CEP112: variants seen among roughly 807,000 people sequenced by gnomAD.
CEP112 encodes centrosomal protein of 112 kDa.
A neutral mutation model predicts 153.0 loss-of-function variants in CEP112; 127 were observed. The ratio of observed to expected loss-of-function variants is 0.83; its 90% CI spans 0.72 to 0.96. The LOEUF is 0.96. Among genes scored for constraint, CEP112 ranks in the 40% least tolerant of loss-of-function variants. The pLI is 0.00. For synonymous variants in CEP112, 358 were observed against 374.4 expected (o/e 0.96, Z 0.51); for missense variants, 1,089 against 1,101.2 (o/e 0.99, Z 0.16).
At chr17:65,915,862 C>G (rs2060461208) in intron 19 of CEP112, among the ~76,000 whole-genome samples, 2 of 151,186 alleles carry the variant, frequency 1.3e-5, no homozygotes, top group African/African-American at 2.4e-5. Flanking sequence ...TCAACACACT[C>G]AGAATAAAAT....
intron 8 of CEP112, among the ~76,000 whole-genome samples, chr17:66,088,462 A>G (rs1428211979): frequency 2.0e-5 from 3 of 151,864 alleles, no homozygotes; most frequent in African/African-American, 7.3e-5. Context: ...GCCAGCACTC[A>G]CAGACTCAGC....
At chr17:65,770,928 T>TAAA (rs34049976) in intron 21 of CEP112, among the ~76,000 whole-genome samples, 53,530 of 123,408 alleles carry the variant, frequency 0.43, 12,126 homozygotes, top group East Asian at 0.75. Context: ...GACTCCGTCT[T>TAAA]AAAAAAAAAA....
At chr17:65,929,280 C>T (rs1173560758) in intron 18 of CEP112, among the ~76,000 whole-genome samples, 1 of 152,158 alleles carries the variant, frequency 6.6e-6, no homozygotes, top group African/African-American at 2.4e-5. Context: ...ACCCATGAGG[C>T]CTCACATAAT....
intron 18 of CEP112, among the ~76,000 whole-genome samples, chr17:65,934,935 A>G (rs1470789890): frequency 5.9e-5 from 9 of 152,224 alleles, no homozygotes; most frequent in Admixed American, 5.2e-4. Flanking sequence ...GCAACAGGAC[A>G]GAGTGAGTAC....
At chr17:65,838,301 T>A (rs915099941) in intron 21 of CEP112, among the ~76,000 whole-genome samples, 2 of 152,108 alleles carry the variant, frequency 1.3e-5, no homozygotes, top group African/African-American at 4.8e-5. Flanking sequence ...AATCATATCG[T>A]CTTTTCTGAT....
At chr17:65,785,445 G>T (rs1434595207) in intron 21 of CEP112, among the ~76,000 whole-genome samples, 1 of 152,118 alleles carries the variant, frequency 6.6e-6, no homozygotes, top group Admixed American at 6.5e-5. Context: ...AAAGTATGAA[G>T]GTTCTAATTT....
intron 13 of CEP112, 22 bp from the exon 14 acceptor site, chr17:66,029,274 A>G: frequency 6.3e-7 from 1 of 1,597,992 alleles, no homozygotes; most frequent in South Asian, 1.1e-5. Flanking sequence ...AGAATAAAAT[A>G]GACTTTCAAT....
At chr17:65,753,109 C>T (rs961244537) in intron 21 of CEP112, among the ~76,000 whole-genome samples, 2 of 152,204 alleles carry the variant, frequency 1.3e-5, no homozygotes, top group Non-Finnish European at 2.9e-5. Flanking sequence ...GTTCTGTCCA[C>T]TACCTTTAGT....
intron 16 of CEP112, among the ~76,000 whole-genome samples, chr17:66,008,160 CAT>C (rs1446870133): frequency 1.3e-5 from 2 of 151,984 alleles, no homozygotes; most frequent in African/African-American, 2.4e-5. Context: ...ATCGTATATA[CAT>C]ATGTGTGAAG....
At chr17:65,792,735 C>A (rs2054662260) in intron 21 of CEP112, among the ~76,000 whole-genome samples, 2 of 152,096 alleles carry the variant, frequency 1.3e-5, no homozygotes, top group South Asian at 4.1e-4. Flanking sequence ...TGCACATGTA[C>A]CCCTGAACTT....
At chr17:65,845,301 A>G (rs1342120304) in intron 21 of CEP112, among the ~76,000 whole-genome samples, 1 of 152,200 alleles carries the variant, frequency 6.6e-6, no homozygotes, top group Non-Finnish European at 1.5e-5. Context: ...TCTGGGCAAC[A>G]AGAGCAAAAC....
At chr17:65,879,248 G>A (rs1220068881) in intron 20 of CEP112, among the ~76,000 whole-genome samples, 1 of 152,208 alleles carries the variant, frequency 6.6e-6, no homozygotes, top group Non-Finnish European at 1.5e-5. Flanking sequence ...GGGTCAGAAA[G>A]AAGGCATTGT....
At position 65,701,235 on chromosome 17, in the gene CEP112, T is replaced by C. The variant is rs991299481; in HGVS notation, c.2608-12017A>G. On this transcript the variant is annotated intron_variant, in intron 23 of 26. Coordinates refer to ENST00000535342, the MANE Select transcript of CEP112 (RefSeq NM_001199165.4). ...CAAGACAGGTTGCAGGGCTTGGTCA[T>C]GCAACGAATGTGCCAGGTGCAAGAA... Among the ~76,000 whole-genome samples, 3 of 152,278 alleles carry C rather than the reference T, an allele frequency of 2.0e-5. No individual in the cohort carries two copies. The East Asian group carries it at 5.8e-4, about 29-fold the overall frequency.
rs749739430 is a variant in CEP112 at position 66,096,267 on chromosome 17, C to T, written c.752G>A (p.Arg251Gln). Residue 251 changes from arginine (R) to glutamine (Q), a missense_variant, in exon 8 of 27, where the codon CGA becomes CAA. Arg to Gln is a conservative substitution (Grantham distance 43). Transcript: ENST00000535342. ...SSFHDDHFLS[R>Q]IREKELDMKT... The stretch of plus-strand genomic sequence containing the variant: ...CATTCCTACCTCTTTCTCACGTATT[C>T]GAGAGAGAAAATGATCATCATGGAA... 1.4e-5 allele frequency: 23 copies of T among 1,611,384 alleles called. 1 individual carries two copies. The highest frequency in any genetic ancestry group is 8.4e-5 in the Admixed American group (5 of 59,856).
At chr17:66,102,011 A>G (rs1420510230) in intron 6 of CEP112, among the ~76,000 whole-genome samples, 1 of 152,046 alleles carries the variant, frequency 6.6e-6, no homozygotes, top group Non-Finnish European at 1.5e-5. Flanking sequence ...AAAAAACATC[A>G]AGCTGAGAAA....
chr17:65,985,857 T>TG (rs985474156), intron 17 of CEP112, among the ~76,000 whole-genome samples: 1 of 151,474 alleles, frequency 6.6e-6, no homozygotes. Context: ...TGTTTTTTTT[T>TG]TTTTTAAGAA....
intron 4 of CEP112, among the ~76,000 whole-genome samples, chr17:66,169,649 G>A (rs979086694): frequency 6.6e-6 from 1 of 152,068 alleles, no homozygotes; most frequent in African/African-American, 2.4e-5. Context: ...ATTGTTAATG[G>A]TGATTACCAC....
chr17:66,154,808 C>A (rs1259322447), intron 4 of CEP112, among the ~76,000 whole-genome samples: 2 of 152,066 alleles, frequency 1.3e-5, no homozygotes, highest in South Asian at 2.1e-4. Flanking sequence ...ACAGAAGATA[C>A]CAGTTGCTAT....
At chr17:65,711,814 T>C (rs1476991442) in intron 23 of CEP112, among the ~76,000 whole-genome samples, 1 of 152,228 alleles carries the variant, frequency 6.6e-6, no homozygotes, top group African/African-American at 2.4e-5. Flanking sequence ...CACGATCTTC[T>C]GGTAGAGCAG....
Sources: allele counts gnomAD v4.1 joint callset (sites outside exome capture counted in the v4.1 genomes callset), GRCh38; gene constraint gnomAD v4.1.1; transcripts MANE v1.5; gene names NCBI Gene and HGNC (gene_info 2026-07-23, HGNC 2026-07-21).